Variants in SKOR2 observed in about 807,000 individuals in gnomAD.
The protein encoded by SKOR2 is LBX1 corepressor 1-like protein.
A neutral mutation model predicts 69.1 loss-of-function variants in SKOR2; 47 were observed. The ratio of observed to expected loss-of-function variants is 0.68; its 90% confidence interval spans 0.54 to 0.87. The LOEUF is 0.87. SKOR2 is among the 40% of genes least tolerant of loss of function. The pLI is 0.00. For synonymous variants in SKOR2, 717 were observed against 672.6 expected, an observed-to-expected ratio of 1.07 and a Z score of -1.02; for missense variants, 1,404 against 1,472.2, an observed-to-expected ratio of 0.95 and a Z score of 0.76.
At chr18:47,239,982 T>TAA (rs34540516) in intron 4 of SKOR2, among the ~76,000 whole-genome samples, 5 of 151,812 alleles carry the variant, frequency 3.3e-5, no homozygotes, top group Non-Finnish European at 5.9e-5. Flanking sequence ...TGCTTTTTTT[T>TAA]AAAAAAATCA....
At chr18:47,242,282 T>C (rs2064252656) in intron 4 of SKOR2, among the ~76,000 whole-genome samples, 2 of 152,092 alleles carry the variant, frequency 1.3e-5, no homozygotes, top group African/African-American at 2.4e-5. Context: ...TTAATATACA[T>C]GAAATGAAGA....
Position 47,248,235 on chromosome 18 carries a change from AGTC to A in SKOR2, c.946_948del (p.Asp316del), listed in dbSNP as rs1042316344. On this transcript the variant is annotated inframe_deletion, in exon 2 of 9. Coordinates refer to ENST00000425639, the MANE Select transcript of SKOR2 (RefSeq NM_001278063.4). The surrounding 1 kb of genome is among the most constrained non-coding windows in gnomAD (Gnocchi z 6.4). Reference sequence around the variant, plus strand: ...GCCACTACGGCGGCCTCCTGCAAGGAGTCGTCGTCGTCGTCGAAGCGCGGCCGC... The same window carrying A: ...GCCACTACGGCGGCCTCCTGCAAGGAGTCGTCGTCGTCGAAGCGCGGCCGC... 70 of 1,225,678 alleles carry A rather than the reference AGTC, an allele frequency of 5.7e-5. No individual in the cohort carries two copies. Among genetic ancestry groups the A allele is most frequent in the Middle Eastern group, 3.1e-4 (1 of 3,250 alleles). 75.9% of individuals were successfully genotyped at this position (1,225,678 alleles called of 1,614,324 possible).
Position 47,248,721 on chromosome 18 carries a change from A to C in SKOR2, c.463T>G (p.Cys155Gly). The change falls in exon 2 of 9, where the codon TGC becomes GGC. Residue 155 changes from cysteine to glycine, a missense_variant. By Grantham distance (159) the Cys-to-Gly change is radical. This residue lies in a region of SKOR2 where 1,266 missense variants were observed against 1,309.9 expected (regional missense o/e 0.97). Transcript: ENST00000425639. The surrounding 1 kb of genome is among the most constrained non-coding windows in gnomAD (Gnocchi z 6.4). ...CGCGCGGGAATGAAGCTGCCGCGGC[A>C]GCCCCAGGCGCACTCGTGTGACACG... Reference protein sequence around the residue: ...FDVSHECAWGCRGSFIPARYN... With the variant: ...FDVSHECAWGGRGSFIPARYN... 1 of 1,555,956 alleles carries C rather than the reference A, an allele frequency of 6.4e-7. No individual in the cohort carries two copies. Among genetic ancestry groups the C allele is most frequent in the Non-Finnish European group, 8.6e-7 (1 of 1,157,050 alleles).
Position 47,247,376 on chromosome 18 carries a change from T to C in SKOR2, c.1808A>G (p.His603Arg). The change falls in exon 2 of 9, where the codon CAC becomes CGC. Residue 603 changes from histidine to arginine, a missense_variant. Physicochemically the swap from His to Arg is conservative, Grantham distance 29 (BLOSUM62 0). This residue lies in a region of SKOR2 where 1,266 missense variants were observed against 1,309.9 expected (regional missense o/e 0.97). Transcript: ENST00000425639. The surrounding 1 kb of genome is among the most constrained non-coding windows in gnomAD (Gnocchi z 6.6). ...GCGCCCCTCCAGAAGGTGCGGATGG[T>C]GGGGCGCCGGAACCCGGGAGCCCGC... ...GPAGSRVPAP[H>R]HPHLLEGRKA... 1 of 1,412,286 alleles carries C rather than the reference T, an allele frequency of 7.1e-7. No homozygotes were observed. Among genetic ancestry groups the C allele is most frequent in the Non-Finnish European group, 9.2e-7 (1 of 1,084,864 alleles). The allele number at this position is 1,412,286 out of a possible 1,614,324, so 87.5% of individuals were successfully genotyped here.
At chr18:47,243,452 A>C (rs1390150194) in intron 4 of SKOR2, among the ~76,000 whole-genome samples, 1 of 152,238 alleles carries the variant, frequency 6.6e-6, no homozygotes, top group Non-Finnish European at 1.5e-5. Flanking sequence ...AAAGCAACTG[A>C]CTATCTAGAA....
intron 6 of SKOR2, among the ~76,000 whole-genome samples, chr18:47,223,544 G>C (rs1425767727): frequency 1.3e-5 from 2 of 152,182 alleles, no homozygotes; most frequent in African/African-American, 4.8e-5. Context: ...TTAGTTACAA[G>C]GGTGTCCATT....
chr18:47,238,704 A>T lies in SKOR2; in HGVS notation c.2752+6204T>A, dbSNP rs2064236213. On this transcript the variant is annotated intron_variant, in intron 4 of 8. Transcript: ENST00000425639. The stretch of plus-strand genomic sequence containing the variant: ...TGCACTCTAACATCTGGATGAAGAA[A>T]GGTATTATAATTTCGGTCAAGTGTC... Among the ~76,000 whole-genome samples, 3 of 152,210 alleles carry T rather than the reference A, an allele frequency of 2.0e-5. No individual in the cohort carries two copies. In the South Asian group the frequency reaches 6.2e-4, roughly 31 times the overall value.
chr18:47,222,583 C>A (rs2064165089), intron 6 of SKOR2, among the ~76,000 whole-genome samples: 1 of 152,204 alleles, frequency 6.6e-6, no homozygotes, highest in Non-Finnish European at 1.5e-5. Context: ...TGCGCTGTGG[C>A]CCGCAGGCCT....
chr18:47,222,517 C>G (rs1327390409), intron 6 of SKOR2, among the ~76,000 whole-genome samples: 1 of 152,170 alleles, frequency 6.6e-6, no homozygotes, highest in Non-Finnish European at 1.5e-5. Flanking sequence ...TCTAAGGGTA[C>G]AGGGCAACAG....
chr18:47,247,779 T>C lies in SKOR2; in HGVS notation c.1405A>G (p.Met469Val), dbSNP rs1336713572. Residue 469 changes from methionine (M) to valine (V), a missense_variant, in exon 2 of 9, where the codon ATG becomes GTG. Coordinates refer to ENST00000425639, the MANE Select transcript of SKOR2 (RefSeq NM_001278063.4). The surrounding 1 kb of genome is among the most constrained non-coding windows in gnomAD (Gnocchi z 6.6). ...RKDAFYPPFCMFWPPRTPGGL... is the reference protein window; with the variant it reads ...RKDAFYPPFCVFWPPRTPGGL... ...CCAGGGGTCCGCGGCGGCCAGAACATGCAGAAGGGCGGATAGAAGGCGTCC... is the reference window on the plus strand; with the variant it reads ...CCAGGGGTCCGCGGCGGCCAGAACACGCAGAAGGGCGGATAGAAGGCGTCC... 3 of 1,395,634 alleles carry C rather than the reference T, an allele frequency of 2.1e-6. No individual in the cohort carries two copies. Among genetic ancestry groups the C allele is most frequent in the Non-Finnish European group, 1.8e-6 (2 of 1,083,142 alleles). 86.5% of individuals were successfully genotyped at this position (1,395,634 alleles called of 1,614,324 possible).
At chr18:47,242,193 G>A (rs971648851) in intron 4 of SKOR2, among the ~76,000 whole-genome samples, 8 of 152,106 alleles carry the variant, frequency 5.3e-5, no homozygotes, top group Non-Finnish European at 1.2e-4. Flanking sequence ...TTAAAGCCAG[G>A]AATTTGTTTT....
intron 4 of SKOR2, among the ~76,000 whole-genome samples, chr18:47,233,452 G>A (rs145373649): frequency 4.5e-3 from 679 of 152,308 alleles, no homozygotes; most frequent in African/African-American, 0.015. Flanking sequence ...ATTTTGAGAT[G>A]AAGATACATG....
At chr18:47,237,321 A>G (rs1432282233) in intron 4 of SKOR2, among the ~76,000 whole-genome samples, 1 of 152,254 alleles carries the variant, frequency 6.6e-6, no homozygotes, top group African/African-American at 2.4e-5. Flanking sequence ...ACAAAACCAC[A>G]GCACTAAATT....
chr18:47,239,071 T>C (rs1191354922), intron 4 of SKOR2, among the ~76,000 whole-genome samples: 1 of 152,236 alleles, frequency 6.6e-6, no homozygotes, highest in East Asian at 1.9e-4. Flanking sequence ...CTGATACTCT[T>C]AGAGGTATAA....
chr18:47,237,215 A>T (rs1455282225), intron 4 of SKOR2, among the ~76,000 whole-genome samples: 1 of 152,224 alleles, frequency 6.6e-6, no homozygotes, highest in African/African-American at 2.4e-5. Flanking sequence ...AAATTAGGCT[A>T]ATTATATATT....
At chr18:47,243,379 T>C (rs1229581069) in intron 4 of SKOR2, among the ~76,000 whole-genome samples, 1 of 152,248 alleles carries the variant, frequency 6.6e-6, no homozygotes, top group Non-Finnish European at 1.5e-5. Context: ...TAAAATTGTT[T>C]TTTCATATTC....
At chr18:47,249,290 G>GA in intron 1 of SKOR2, 60 bp from the exon 2 acceptor site, 1 of 1,334,840 alleles carries the variant, frequency 7.5e-7, no homozygotes, top group Non-Finnish European at 9.9e-7. Context: ...AGAGGGGTGG[G>GA]ATGAATCGCT....
intron 7 of SKOR2, among the ~76,000 whole-genome samples, chr18:47,213,059 G>C (rs1305600514): frequency 6.6e-6 from 1 of 152,056 alleles, no homozygotes; most frequent in Non-Finnish European, 1.5e-5. Context: ...AAGTACTTTC[G>C]AATACTGGGG....
In SKOR2 at chr18:47,247,247, G is replaced by T. The variant is rs1352671435; in HGVS notation, c.1937C>A (p.Ala646Glu). ...LAKLHGASAG[A>E]PHSAQTHPHH... ...GGGATGCGTCTGGGCCGAGTGGGGC[G>T]CGCCCGCCGACGCCCCGTGCAGCTT... Residue 646 changes from alanine (A) to glutamate (E), a missense_variant, in exon 2 of 9, where the codon GCG becomes GAG. Ala to Glu is a moderately radical substitution (Grantham distance 107). Around this residue, in one of 3 missense-constraint regions of SKOR2, gnomAD observed 1,266 missense variants for 1,309.9 expected, o/e 0.97. Transcript: ENST00000425639. This position sits in a 1 kb window ranked among gnomAD's most constrained non-coding sequence, Gnocchi z 6.6. 2.4e-5 allele frequency: 35 copies of T among 1,470,088 alleles called. No homozygotes were observed. In the African/African-American group the frequency reaches 4.5e-4, roughly 19 times the overall value. 91.1% of individuals were successfully genotyped at this position (1,470,088 alleles called of 1,614,324 possible).
Sources: allele counts gnomAD v4.1 joint callset (sites outside exome capture counted in the v4.1 genomes callset), GRCh38; gene constraint gnomAD v4.1.1; regional missense constraint gnomAD v4.1.1; non-coding constraint Gnocchi (gnomAD v3.1); transcripts MANE v1.5; gene names NCBI Gene and HGNC (gene_info 2026-07-23, HGNC 2026-07-21).